Variants in DMD observed in about 807,000 individuals in gnomAD.
The protein encoded by DMD is mutant dystrophin.
DMD carries 63 observed loss-of-function variants against 330.1 expected under a neutral mutation model. That is an observed-to-expected ratio of 0.19 (90% CI 0.16 to 0.24). The LOEUF (loss-of-function observed/expected upper bound fraction) is 0.24. Among genes scored for constraint, DMD ranks in the 10% least tolerant of loss-of-function variants. The pLI is 1.00. For synonymous variants in DMD, 1,223 were observed against 959.8 expected (o/e 1.27, Z -5.07); for missense variants, 3,344 against 2,684.1 (o/e 1.25, Z -5.43).
rs34892244 is a variant in DMD, at chrX:33,014,538, C to A, written c.93+5601G>T. Among the ~76,000 whole-genome samples, 10,834 of 110,870 alleles carry A rather than the reference C, an allele frequency of 0.098. 749 individuals are homozygous for A. The highest frequency in any genetic ancestry group is 0.23 in the African/African-American group (6,912 of 30,424). On this transcript the variant is annotated intron_variant, in intron 2 of 78. Coordinates refer to ENST00000357033, the MANE Select transcript of DMD (RefSeq NM_004006.3). ...TTGGGGTTACTAGTTGCTGCAGGAA[C>A]AGATTCAACCAATGTAGAGAAACAA...
intron 62 of DMD, among the ~76,000 whole-genome samples, chrX:31,311,434 T>C (rs1463786561): frequency 1.8e-5 from 2 of 111,804 alleles, no homozygotes; most frequent in African/African-American, 6.5e-5. Flanking sequence ...ATACTCTCTA[T>C]CTTAGGGAAG....
intron 52 of DMD, among the ~76,000 whole-genome samples, chrX:31,709,576 C>CTG (rs1305509122): frequency 3.4e-5 from 3 of 87,580 alleles, no homozygotes; most frequent in African/African-American, 1.5e-4. Flanking sequence ...CTCTCTCTCT[C>CTG]TCTCTGTCTG....
At chrX:32,399,774 C>G (rs1383460940) in intron 30 of DMD, among the ~76,000 whole-genome samples, 1 of 111,754 alleles carries the variant, frequency 8.9e-6, no homozygotes, top group Non-Finnish European at 1.9e-5. Context: ...GAAGAAATAT[C>G]TGTACTCCCG....
chrX:31,507,576 G>A (rs1325826503), intron 55 of DMD, 123 bp from the exon 56 acceptor site: 1 of 683,499 alleles, frequency 1.5e-6, no homozygotes, highest in Admixed American at 3.0e-5. Flanking sequence ...TTTCAATCAG[G>A]CTAAACTAAC....
chrX:32,704,265 ATC>A (rs1569474217), intron 7 of DMD, among the ~76,000 whole-genome samples: 8 of 103,780 alleles, frequency 7.7e-5, no homozygotes, highest in Non-Finnish European at 1.5e-4. Context: ...CTCAGATACT[ATC>A]TCAGTGTATT....
intron 19 of DMD, among the ~76,000 whole-genome samples, chrX:32,496,040 T>G (rs2043459800): frequency 8.9e-6 from 1 of 112,032 alleles, no homozygotes; most frequent in South Asian, 3.7e-4. Context: ...AATGGATCAT[T>G]ACTTGAAGTG....
chrX:32,071,254 T>C (rs1184849097), intron 44 of DMD, among the ~76,000 whole-genome samples: 8 of 110,233 alleles, frequency 7.3e-5, no homozygotes, highest in African/African-American at 2.3e-4. Context: ...ACTTCCACAA[T>C]GGTTGAACTA....
chrX:32,616,849 T>G (rs1029318715), intron 11 of DMD, among the ~76,000 whole-genome samples: 52 of 108,415 alleles, frequency 4.8e-4, no homozygotes, highest in African/African-American at 1.6e-3. Context: ...CCATAAATAC[T>G]TCTATATATA....
intron 59 of DMD, among the ~76,000 whole-genome samples, chrX:31,450,878 C>T (rs1186673681): frequency 9.0e-6 from 1 of 111,396 alleles, no homozygotes; most frequent in Admixed American, 9.5e-5. Context: ...GTGGGACATG[C>T]CAGTCAAGGT....
At chrX:33,014,452 G>T (rs2093760626) in intron 2 of DMD, among the ~76,000 whole-genome samples, 1 of 112,011 alleles carries the variant, frequency 8.9e-6, no homozygotes, top group Non-Finnish European at 1.9e-5. Context: ...TGGAATGGAA[G>T]TGGGAAGAAG....
At chrX:33,081,458 G>A (rs757506703) in intron 1 of DMD, among the ~76,000 whole-genome samples, 41 of 111,498 alleles carry the variant, frequency 3.7e-4, no homozygotes, top group Admixed American at 6.7e-4. Context: ...ATTTTTCTTA[G>A]AGACGGGGTT....
rs2063779396 is a variant in DMD, at chrX:32,697,983, C to G, written c.847G>C (p.Ala283Pro). 1 of 1,196,425 alleles carries G rather than the reference C, an allele frequency of 8.4e-7. No homozygotes were observed. Among genetic ancestry groups the G allele is most frequent in the Non-Finnish European group, 1.1e-6 (1 of 887,899 alleles). Residue 283 changes from alanine to proline, a missense_variant, in exon 9 of 79, where the codon GCA (alanine) becomes CCA (proline). By Grantham distance (27) the Ala-to-Pro change is conservative (BLOSUM62 -1). Coordinates refer to ENST00000357033, the MANE Select transcript of DMD (RefSeq NM_004006.3). The stretch of plus-strand genomic sequence containing the variant: ...GAAGAAGTTCTCTCATATCCCTGTG[C>G]TAGACTGACCGTGATCTGCAGAGAA... ...HYSQQITVSL[A>P]QGYERTSSPK...
chrX:31,990,944 G>T (rs1043944188), intron 44 of DMD, among the ~76,000 whole-genome samples: 1 of 112,065 alleles, frequency 8.9e-6, no homozygotes, highest in Non-Finnish European at 1.9e-5. Context: ...TTTCCAAATT[G>T]ATTATACAGA....
chrX:31,394,411 A>G (rs766080034), intron 60 of DMD, among the ~76,000 whole-genome samples: 31 of 112,689 alleles, frequency 2.8e-4, no homozygotes, highest in Non-Finnish European at 5.6e-4. Context: ...TAATCACTTC[A>G]GTTTTTCTAA....
chrX:32,887,626 T>C (rs2084741169), intron 2 of DMD, among the ~76,000 whole-genome samples: 1 of 106,060 alleles, frequency 9.4e-6, no homozygotes, highest in Admixed American at 1.0e-4. Context: ...TGAGCGCCTG[T>C]AGTCCCAGCT....
At chrX:33,183,220 A>T (rs1260534651) in intron 1 of DMD, among the ~76,000 whole-genome samples, 1 of 112,106 alleles carries the variant, frequency 8.9e-6, no homozygotes, top group African/African-American at 3.2e-5. Flanking sequence ...TTTGGTAACA[A>T]TCACTCTCAA....
At position 32,887,745 on chromosome X, in the gene DMD, C is replaced by CAAAAAAAAAAAAAAAA. The variant is rs771100080; in HGVS notation, c.94-37941_94-37926dup. 1.7e-3 allele frequency among the ~76,000 whole-genome samples: 11 copies of CAAAAAAAAAAAAAAAA among 6,495 alleles called. 1 individual carries two copies. The highest frequency in any genetic ancestry group is 3.5e-3 in the East Asian group (1 of 288). The allele number at this position is 6,495 out of a possible 115,157, so 5.6% of individuals were successfully genotyped here. A position where few individuals can be genotyped will look rare whatever the true frequency, so the allele number is the denominator to read the frequency against. On this transcript the variant is annotated intron_variant, in intron 2 of 78. Coordinates refer to ENST00000357033, the MANE Select transcript of DMD (RefSeq NM_004006.3). Reference sequence around the variant, plus strand: ...CCTGGGTGACAAAGCAAGACTGTCTCAAAAAAAAAAAAAAAAAAAAAAAAA... The same window carrying CAAAAAAAAAAAAAAAA: ...CCTGGGTGACAAAGCAAGACTGTCTCAAAAAAAAAAAAAAAAAAAAAAAAAAAAAAAAAAAAAAAAA...
intron 2 of DMD, among the ~76,000 whole-genome samples, chrX:33,017,122 T>C (rs574999615): frequency 9.0e-6 from 1 of 111,613 alleles, no homozygotes; most frequent in South Asian, 3.7e-4. Flanking sequence ...TAAAAAGAGA[T>C]AGGGCTTATT....
chrX:32,992,268 T>C (rs776722962), intron 2 of DMD, among the ~76,000 whole-genome samples: 1 of 111,889 alleles, frequency 8.9e-6, no homozygotes, highest in Admixed American at 9.5e-5. Context: ...TAATTATCAG[T>C]TTAAAAATCC....
Sources: gnomAD v4.1 joint callset for allele counts (sites outside exome capture counted in the v4.1 genomes callset) on GRCh38, gnomAD v4.1.1 for gene constraint, MANE v1.5 for transcripts, NCBI Gene and HGNC (gene_info 2026-07-23, HGNC 2026-07-21) for gene names.